The following CLNS1A variants were observed in gnomAD, a reference collection of about 807,000 sequenced individuals.
CLNS1A encodes methylosome subunit pICln.
In CLNS1A, 16 loss-of-function variants were observed where a neutral mutation model predicts 29.4. That is an observed-to-expected ratio of 0.54 (90% confidence interval 0.37 to 0.83). CLNS1A has a LOEUF of 0.83. Among genes scored for constraint, CLNS1A ranks in the 40% least tolerant of loss-of-function variants. The probability of loss-of-function intolerance (pLI) is 0.00; values close to 1 mark genes in which losing one functional copy is unlikely to be tolerated. For synonymous variants in CLNS1A, 96 were observed against 104.8 expected, an observed-to-expected ratio of 0.92 and a Z score of 0.51; for missense variants, 235 against 287.4, an observed-to-expected ratio of 0.82 and a Z score of 1.32.
chr11:77,635,894 C>A (rs2135781046), intron 1 of CLNS1A, among the ~76,000 whole-genome samples: 1 of 152,234 alleles, frequency 6.6e-6, no homozygotes, highest in South Asian at 2.1e-4. Context: ...CTGCTCCTTC[C>A]TCCTTTCTCA....
At chr11:77,623,436 T>C (rs562073859) in intron 4 of CLNS1A, among the ~76,000 whole-genome samples, 1 of 151,280 alleles carries the variant, frequency 6.6e-6, no homozygotes, top group African/African-American at 2.4e-5. Context: ...CAAAAAAATG[T>C]TTTTTTTAAT....
intron 5 of CLNS1A, chr11:77,621,891 CCAG>C (rs1958962094): frequency 2.2e-6 from 1 of 444,694 alleles, no homozygotes. Context: ...AGAAATTCTG[CCAG>C]CAGAACTTCT....
chr11:77,635,968 C>G (rs1305170002), intron 1 of CLNS1A, among the ~76,000 whole-genome samples: 2 of 152,218 alleles, frequency 1.3e-5, no homozygotes, highest in African/African-American at 4.8e-5. Flanking sequence ...GTCCTCTTCT[C>G]TTCTGAGATA....
intron 3 of CLNS1A, 70 bp downstream of exon 3, chr11:77,625,631 GTGTGTGTGTGTGTGTA>G: frequency 1.4e-6 from 1 of 737,386 alleles, no homozygotes; most frequent in South Asian, 2.6e-5. Context: ...AAGGTGAGAG[GTGTGTGTGTGTGTGTA>G]TGTGTGTGTG....
intron 6 of CLNS1A, among the ~76,000 whole-genome samples, chr11:77,618,104 A>G (rs1202250294): frequency 6.6e-6 from 1 of 152,206 alleles, no homozygotes; most frequent in Non-Finnish European, 1.5e-5. Context: ...TTTAACTGTT[A>G]GTGACATACC....
intron 1 of CLNS1A, among the ~76,000 whole-genome samples, chr11:77,634,945 G>A (rs913337790): frequency 6.6e-6 from 1 of 152,010 alleles, no homozygotes; most frequent in Non-Finnish European, 1.5e-5. Context: ...ACAGGCACGT[G>A]CAACCACGAC....
At chr11:77,620,560 A>G (rs1397855425) in intron 5 of CLNS1A, among the ~76,000 whole-genome samples, 2 of 152,178 alleles carry the variant, frequency 1.3e-5, no homozygotes, top group African/African-American at 4.8e-5. Context: ...GCACTTTGGG[A>G]GGCCAAGGTG....
intron 1 of CLNS1A, 122 bp downstream of exon 1, chr11:77,637,468 G>T: frequency 7.6e-7 from 1 of 1,309,968 alleles, no homozygotes; most frequent in Non-Finnish European, 1.0e-6. Flanking sequence ...GAGGCGTCGG[G>T]CACGAGACCC....
chr11:77,615,515 TTAAGAA>T lies in CLNS1A; in HGVS notation c.*1197_*1202del. On this transcript the variant is annotated 3_prime_UTR_variant, in exon 7 of 7. Transcript: ENST00000525428. ...GATAAAAGCGTATCTCATAAGATAA[TTAAGAA>T]TATTATAATACATAATAAAGAACTC... 6.6e-6 allele frequency: 1 copy of T among 152,166 alleles called. No individual in the cohort carries two copies. Among genetic ancestry groups the T allele is most frequent in the Non-Finnish European group, 1.5e-5 (1 of 68,032 alleles). The allele number at this position is 152,166 out of a possible 1,614,324, so 9.4% of individuals were successfully genotyped here. A position where few individuals can be genotyped will look rare whatever the true frequency, so the allele number is the denominator to read the frequency against.
chr11:77,630,606 T>G (rs1959064266), intron 1 of CLNS1A, among the ~76,000 whole-genome samples: 1 of 152,232 alleles, frequency 6.6e-6, no homozygotes, highest in Non-Finnish European at 1.5e-5. Context: ...ACAGAAAAGC[T>G]AGATCTAGTT....
At chr11:77,633,483 C>T (rs895901007) in intron 1 of CLNS1A, among the ~76,000 whole-genome samples, 5 of 152,164 alleles carry the variant, frequency 3.3e-5, no homozygotes, top group African/African-American at 9.6e-5. Flanking sequence ...CCAAAGAAAC[C>T]GTGAGTCAAA....
At chr11:77,636,265 G>A (rs1368372919) in intron 1 of CLNS1A, among the ~76,000 whole-genome samples, 1 of 151,748 alleles carries the variant, frequency 6.6e-6, no homozygotes, top group African/African-American at 2.4e-5. Flanking sequence ...ACTGGGTTTC[G>A]CCATGCTGCC....
intron 3 of CLNS1A, 176 bp from the exon 4 acceptor site, chr11:77,625,246 T>C (rs1430021185): frequency 5.1e-6 from 3 of 584,718 alleles, no homozygotes; most frequent in South Asian, 2.2e-5. Flanking sequence ...TAAGAGTTCA[T>C]TATGAGAGAT....
At chr11:77,622,138 G>A in intron 5 of CLNS1A, 2 of 454,602 alleles carry the variant, frequency 4.4e-6, no homozygotes, top group Non-Finnish European at 8.8e-6. Flanking sequence ...TATTGTTTGA[G>A]CCACCCAGCC....
chr11:77,617,540 TC>T (rs950647103), intron 6 of CLNS1A, among the ~76,000 whole-genome samples: 9 of 146,798 alleles, frequency 6.1e-5, no homozygotes, highest in African/African-American at 2.3e-4. Flanking sequence ...GACTCCCGTG[TC>T]AAAAAAAAAA....
intron 1 of CLNS1A, 49 bp from the exon 2 acceptor site, chr11:77,629,948 G>T (rs1959058732): frequency 3.2e-6 from 5 of 1,572,190 alleles, no homozygotes; most frequent in Non-Finnish European, 1.7e-6. Flanking sequence ...AAATCCTCAT[G>T]TAAGACCACA....
At chr11:77,626,930 C>T (rs1428337437) in intron 2 of CLNS1A, among the ~76,000 whole-genome samples, 8 of 147,730 alleles carry the variant, frequency 5.4e-5, no homozygotes, top group Admixed American at 1.3e-4. Flanking sequence ...CTCCTGACCT[C>T]GTGATCCGCC....
chr11:77,625,034 G>T lies in CLNS1A; in HGVS notation c.401C>A (p.Ala134Asp). 1.2e-6 allele frequency: 2 copies of T among 1,613,660 alleles called. No individual in the cohort carries two copies. The highest frequency in any genetic ancestry group is 8.5e-7 in the Non-Finnish European group (1 of 1,179,740). Residue 134 changes from alanine (A) to aspartate (D), a missense_variant, in exon 4 of 7, where the codon GCC (alanine) becomes GAC (aspartate). Ala to Asp is a moderately radical substitution (Grantham distance 126). Transcript: ENST00000525428. ...CTCATCCTCAGGATCTGGATGCAAGGCCTGGCATTCGCACATTGCAGTGAA... is the reference window on the plus strand; with the variant it reads ...CTCATCCTCAGGATCTGGATGCAAGTCCTGGCATTCGCACATTGCAGTGAA... ...AMFTAMCECQ[A>D]LHPDPEDEDS...
chr11:77,617,815 G>A (rs1435049117), intron 6 of CLNS1A, among the ~76,000 whole-genome samples: 1 of 151,678 alleles, frequency 6.6e-6, no homozygotes, highest in Non-Finnish European at 1.5e-5. Flanking sequence ...CTACTTGGGA[G>A]ACTGAAGCAG....
Sources: gnomAD v4.1 joint callset for allele counts (sites outside exome capture counted in the v4.1 genomes callset) on GRCh38, gnomAD v4.1.1 for gene constraint, MANE v1.5 for transcripts, NCBI Gene and HGNC (gene_info 2026-07-23, HGNC 2026-07-21) for gene names.